The following GRM7 variants were observed in gnomAD, a reference collection of about 807,000 sequenced individuals.
GRM7 encodes the protein glutamate metabotropic receptor 7.
GRM7 carries 35 observed loss-of-function variants against 84.5 expected under a neutral mutation model. The observed-to-expected ratio is 0.41, with a 90% CI of 0.32 to 0.55. The LOEUF is 0.55. Ranked by LOEUF, GRM7 falls within the 20% of genes least tolerant of loss-of-function variation. The pLI, the probability that GRM7 is intolerant of heterozygous loss-of-function variation, is 0.19. For synonymous variants in GRM7, 487 were observed against 455.1 expected (o/e 1.07, Z -0.89); for missense variants, 1,003 against 1,194.6 (o/e 0.84, Z 2.36).
chr3:6,958,637 T>C (rs1316795946), intron 1 of GRM7, among the ~76,000 whole-genome samples: 1 of 152,154 alleles, frequency 6.6e-6, no homozygotes. Context: ...ACATAACCGA[T>C]GTCTGACATG....
At chr3:7,637,962 G>T (rs539529504) in intron 8 of GRM7, among the ~76,000 whole-genome samples, 1 of 152,082 alleles carries the variant, frequency 6.6e-6, no homozygotes, top group Non-Finnish European at 1.5e-5. Context: ...CAACAGGAAC[G>T]GCAGTGTCCA....
chr3:7,278,831 TAGA>T, intron 2 of GRM7, among the ~76,000 whole-genome samples: 1 of 152,270 alleles, frequency 6.6e-6, no homozygotes, highest in South Asian at 2.1e-4. Context: ...ACTGAATGGA[TAGA>T]TACAAACTAA....
chr3:7,116,100 TTC>T (rs1693021979), intron 1 of GRM7, among the ~76,000 whole-genome samples: 1 of 152,132 alleles, frequency 6.6e-6, no homozygotes, highest in Non-Finnish European at 1.5e-5. Context: ...ATCAGCATAT[TTC>T]AGGGGTGCAT....
chr3:7,226,671 A>T (rs1270707719), intron 2 of GRM7, among the ~76,000 whole-genome samples: 2 of 152,192 alleles, frequency 1.3e-5, no homozygotes, highest in African/African-American at 4.8e-5. Context: ...ACCATAGAAG[A>T]TAAGGAGAAA....
chr3:6,865,184 G>A (rs753661570), intron 1 of GRM7, among the ~76,000 whole-genome samples: 26 of 152,182 alleles, frequency 1.7e-4, no homozygotes, highest in Admixed American at 2.6e-4. Flanking sequence ...CTAAGCTTGC[G>A]CAAAATAATA....
At chr3:7,022,746 G>A (rs1357193211) in intron 1 of GRM7, among the ~76,000 whole-genome samples, 2 of 152,096 alleles carry the variant, frequency 1.3e-5, no homozygotes, top group Non-Finnish European at 2.9e-5. Context: ...CTTATAGCCA[G>A]GGCAGCAGAA....
chr3:6,980,943 T>C (rs1575094389), intron 1 of GRM7, among the ~76,000 whole-genome samples: 2 of 152,268 alleles, frequency 1.3e-5, no homozygotes, highest in South Asian at 4.1e-4. Flanking sequence ...TACAAAATGC[T>C]AAACTAGAAG....
Position 7,680,111 on chromosome 3 carries a change from G to A in GRM7, c.2514G>A (p.Gly838=). Residue 838 remains glycine, a synonymous_variant, in exon 9 of 10, where the codon GGG becomes GGA. Coordinates refer to ENST00000357716, the MANE Select transcript of GRM7 (RefSeq NM_000844.4). The part of the protein sequence containing the change: ...SMNLSASVAL[G]MLYMPKVYII... Reference sequence around the variant, plus strand: ...ACCTAAGTGCATCAGTGGCGCTGGGGATGCTATACATGCCGAAAGTGTACA... The same window carrying A: ...ACCTAAGTGCATCAGTGGCGCTGGGAATGCTATACATGCCGAAAGTGTACA... The A allele has an allele frequency of 6.2e-7, 1 of 1,613,828 alleles. No homozygotes were observed. Among genetic ancestry groups the A allele is most frequent in the Non-Finnish European group, 8.5e-7 (1 of 1,179,754 alleles).
intron 4 of GRM7, among the ~76,000 whole-genome samples, chr3:7,312,282 G>T (rs1000120439): frequency 2.6e-5 from 4 of 152,108 alleles, no homozygotes; most frequent in African/African-American, 9.7e-5. Context: ...ATGCAAAGGA[G>T]GGGCTTCCAG....
Position 6,898,873 on chromosome 3 carries a change from T to A in GRM7, c.519+36966T>A, listed in dbSNP as rs924639138. 3.3e-5 allele frequency among the ~76,000 whole-genome samples: 5 copies of A among 151,916 alleles called. No individual in the cohort carries two copies. The South Asian group carries it at 1.0e-3, about 32-fold the overall frequency. On this transcript the variant is annotated intron_variant, in intron 1 of 9. Transcript: ENST00000357716. The stretch of plus-strand genomic sequence containing the variant: ...AAAGAAAAGAGCACTGGAGCACTGA[T>A]AAGACCTTGGTGAAGCTGGGTGCAT...
In GRM7 at chr3:7,691,165, A is replaced by AAGAT. The variant is rs1214002930; in HGVS notation, c.2698+10871_2698+10874dup. On this transcript the variant is annotated intron_variant, in intron 9 of 9. Coordinates refer to ENST00000357716, the MANE Select transcript of GRM7 (RefSeq NM_000844.4). ...TATTCTCATGTTTTTTTTCAAGTTG[A>AAGAT]AGATTAGTTTTCAATTCCCTTTATA... The AAGAT allele has an allele frequency of 8.7e-6, 5 of 574,034 alleles. No homozygotes were observed. In the Admixed American group the frequency reaches 1.2e-4, roughly 14 times the overall value. 35.6% of individuals were successfully genotyped at this position (574,034 alleles called of 1,614,324 possible). A position where few individuals can be genotyped will look rare whatever the true frequency, so the allele number is the denominator to read the frequency against.
intron 1 of GRM7, chr3:6,892,848 G>C (rs550942498): frequency 6.6e-6 from 1 of 152,120 alleles, no homozygotes; most frequent in Non-Finnish European, 1.5e-5. Flanking sequence ...TTGGAGATCA[G>C]CTTCTGTTGT....
In GRM7 at chr3:6,863,754, T is replaced by G. The variant is rs1342825556; in HGVS notation, c.519+1847T>G. ...CTGGGGGCTGGGGTAGGTTACAGTG[T>G]TTTCCCTGTTAGCCTGTGGGGTTAA... is the stretch of plus-strand genomic sequence containing the variant. On this transcript the variant is annotated intron_variant, in intron 1 of 9. Transcript: ENST00000357716. The surrounding 1 kb of genome is among the most constrained non-coding windows in gnomAD (Gnocchi z 4.8). Among the ~76,000 whole-genome samples the G allele has an allele frequency of 6.6e-6, 1 of 152,118 alleles. No homozygotes were observed. Among genetic ancestry groups the G allele is most frequent in the Non-Finnish European group, 1.5e-5 (1 of 68,028 alleles).
chr3:7,439,287 G>A (rs750519701), intron 5 of GRM7, among the ~76,000 whole-genome samples: 1 of 152,104 alleles, frequency 6.6e-6, no homozygotes, highest in Non-Finnish European at 1.5e-5. Context: ...TCTCTTTAGA[G>A]CAAAGGTCAG....
At chr3:7,080,202 G>C (rs1698232605) in intron 1 of GRM7, among the ~76,000 whole-genome samples, 1 of 151,872 alleles carries the variant, frequency 6.6e-6, no homozygotes, top group African/African-American at 2.4e-5. Context: ...ATTACTGCAG[G>C]GTTTTTAAGT....
At chr3:7,471,592 C>T (rs1160922302) in intron 7 of GRM7, among the ~76,000 whole-genome samples, 1 of 152,100 alleles carries the variant, frequency 6.6e-6, no homozygotes, top group Non-Finnish European at 1.5e-5. Context: ...CATTGATTCT[C>T]CTGTCTTCCT....
At chr3:7,582,656 G>A (rs1695316006) in intron 8 of GRM7, among the ~76,000 whole-genome samples, 1 of 149,424 alleles carries the variant, frequency 6.7e-6, no homozygotes, top group South Asian at 2.1e-4. Context: ...TATTATAACA[G>A]AACAAGGTTA....
intron 8 of GRM7, among the ~76,000 whole-genome samples, chr3:7,613,473 T>C (rs2125081673): frequency 6.6e-6 from 1 of 152,306 alleles, no homozygotes; most frequent in African/African-American, 2.4e-5. Flanking sequence ...TATTCATCCC[T>C]GACGCTCAGA....
intron 6 of GRM7, among the ~76,000 whole-genome samples, chr3:7,461,055 A>G (rs1375508131): frequency 3.9e-5 from 6 of 152,226 alleles, no homozygotes; most frequent in South Asian, 4.1e-4. Flanking sequence ...TAAATTAGAA[A>G]TAACCAGCAA....
Sources: allele counts gnomAD v4.1 joint callset (sites outside exome capture counted in the v4.1 genomes callset), GRCh38; gene constraint gnomAD v4.1.1; non-coding constraint Gnocchi (gnomAD v3.1); transcripts MANE v1.5; gene names NCBI Gene and HGNC (gene_info 2026-07-23, HGNC 2026-07-21).